Variants in CCDC3 observed in about 807,000 individuals in gnomAD.
CCDC3 encodes coiled-coil domain containing 3, also known as coiled-coil domain-containing protein 3.
In CCDC3, 24 loss-of-function variants were observed where a neutral mutation model predicts 21.4. The ratio of observed to expected loss-of-function variants is 1.12; its 90% confidence interval spans 0.81 to 1.58. The LOEUF (loss-of-function observed/expected upper bound fraction) is 1.58. Among genes scored for constraint, CCDC3 ranks in the 40% most tolerant of loss-of-function variants. The pLI, the probability that CCDC3 is intolerant of heterozygous loss-of-function variation, is 0.00. For missense variants in CCDC3, 425 were observed against 360.9 expected, an observed-to-expected ratio of 1.18 and a Z score of -1.44; for synonymous variants, 186 against 166.0, an observed-to-expected ratio of 1.12 and a Z score of -0.93.
At chr10:12,987,085 G>T (rs1443447746) in intron 2 of CCDC3, among the ~76,000 whole-genome samples, 4 of 152,048 alleles carry the variant, frequency 2.6e-5, no homozygotes, top group Admixed American at 2.6e-4. Flanking sequence ...CCATTCCCTG[G>T]TATGCAGCCC....
intron 2 of CCDC3, among the ~76,000 whole-genome samples, chr10:12,899,257 C>T (rs1351094948): frequency 2.0e-5 from 3 of 152,042 alleles, no homozygotes; most frequent in Non-Finnish European, 2.9e-5. Context: ...GATGCTTAAC[C>T]CCACTCATAA....
At chr10:12,972,838 A>AAATAC (rs1835362669) in intron 2 of CCDC3, among the ~76,000 whole-genome samples, 1 of 151,986 alleles carries the variant, frequency 6.6e-6, no homozygotes, top group Non-Finnish European at 1.5e-5. Context: ...AAATAAAATA[A>AAATAC]AATAAGGAAT....
intron 2 of CCDC3, among the ~76,000 whole-genome samples, chr10:12,951,353 C>CA (rs1007610543): frequency 6.6e-6 from 1 of 151,544 alleles, no homozygotes; most frequent in Non-Finnish European, 1.5e-5. Flanking sequence ...GAGACTGTCT[C>CA]AAAAAAAAGT....
chr10:12,978,612 G>T (rs1333285792), intron 2 of CCDC3, among the ~76,000 whole-genome samples: 2 of 152,010 alleles, frequency 1.3e-5, no homozygotes, highest in Non-Finnish European at 2.9e-5. Flanking sequence ...GGCCAACCTG[G>T]GGTCTGCAGG....
At chr10:12,949,239 C>T (rs1330641688) in intron 2 of CCDC3, among the ~76,000 whole-genome samples, 1 of 152,216 alleles carries the variant, frequency 6.6e-6, no homozygotes, top group Non-Finnish European at 1.5e-5. Context: ...ATAAAGACCA[C>T]ATATCCCAGC....
intron 2 of CCDC3, among the ~76,000 whole-genome samples, chr10:12,991,712 T>C (rs1835685481): frequency 6.6e-6 from 1 of 152,182 alleles, no homozygotes; most frequent in Non-Finnish European, 1.5e-5. Context: ...AAGCCAACCA[T>C]GGCCTATGAT....
intron 2 of CCDC3, among the ~76,000 whole-genome samples, chr10:12,986,497 G>C (rs546601380): frequency 6.6e-6 from 1 of 152,116 alleles, no homozygotes; most frequent in East Asian, 1.9e-4. Flanking sequence ...CCTGTAGGCC[G>C]GGCACAGTGG....
At chr10:12,966,311 G>A (rs1332948749) in intron 2 of CCDC3, among the ~76,000 whole-genome samples, 1 of 137,274 alleles carries the variant, frequency 7.3e-6, no homozygotes, top group Non-Finnish European at 1.6e-5. Context: ...CTGAGGGGCT[G>A]TGGGCTTTAA....
intron 5 of CCDC3, among the ~76,000 whole-genome samples, chr10:13,017,516 C>CAAA (rs60969932): frequency 0.026 from 2,879 of 111,314 alleles, 82 homozygotes; most frequent in South Asian, 0.037. Flanking sequence ...GACTCCATCT[C>CAAA]AAAAAAAAAA....
intron 4 of CCDC3, among the ~76,000 whole-genome samples, chr10:13,055,558 G>A (rs1035348336): frequency 6.6e-5 from 10 of 152,080 alleles, no homozygotes; most frequent in African/African-American, 2.4e-4. Context: ...TTGCTGGGCT[G>A]AAGCAATCCT....
intron 3 of CCDC3, among the ~76,000 whole-genome samples, chr10:13,082,736 G>A (rs534817689): frequency 2.2e-4 from 34 of 152,338 alleles, no homozygotes; most frequent in African/African-American, 7.2e-4. Context: ...CTATCCGGGC[G>A]TGACAGAGGG....
At chr10:12,994,465 G>A (rs1004468983) in intron 2 of CCDC3, among the ~76,000 whole-genome samples, 17 of 151,360 alleles carry the variant, frequency 1.1e-4, no homozygotes, top group African/African-American at 3.9e-4. Flanking sequence ...AAGTCCAGGA[G>A]CACATGGGAT....
At chr10:13,067,624 C>T (rs939209997) in intron 4 of CCDC3, among the ~76,000 whole-genome samples, 10 of 152,170 alleles carry the variant, frequency 6.6e-5, no homozygotes, top group African/African-American at 2.4e-4. Context: ...TTGTCTTAGC[C>T]TCCACCATTT....
chr10:13,050,516 A>G (rs1836592022), intron 4 of CCDC3, among the ~76,000 whole-genome samples: 1 of 141,506 alleles, frequency 7.1e-6, no homozygotes, highest in Admixed American at 7.6e-5. Context: ...GCTGGAATAC[A>G]GTGGCACGAT....
intron 2 of CCDC3, among the ~76,000 whole-genome samples, chr10:12,947,143 CTTTT>C (rs66542050): frequency 6.9e-6 from 1 of 145,566 alleles, no homozygotes; most frequent in Admixed American, 6.9e-5. Flanking sequence ...CTTTTGCTCA[CTTTT>C]TTTTTTTTTT....
chr10:12,945,137 G>C (rs1834895401), intron 2 of CCDC3, among the ~76,000 whole-genome samples: 1 of 152,174 alleles, frequency 6.6e-6, no homozygotes, highest in African/African-American at 2.4e-5. Flanking sequence ...CATGCTTCTA[G>C]AAATTATGAT....
chr10:13,070,731 T>C (rs77073733), intron 4 of CCDC3, among the ~76,000 whole-genome samples: 1,645 of 152,332 alleles, frequency 0.011, 13 homozygotes, highest in Non-Finnish European at 0.018. Context: ...CTAAAAGGCC[T>C]ATGTGGAAAT....
intron 3 of CCDC3, among the ~76,000 whole-genome samples, chr10:13,085,414 G>A (rs956313373): frequency 6.6e-6 from 1 of 152,148 alleles, no homozygotes; most frequent in African/African-American, 2.4e-5. Context: ...CCTGTTACAT[G>A]CCCATTGAAT....
chr10:13,009,995 C>T (rs913773274), intron 5 of CCDC3, among the ~76,000 whole-genome samples: 1 of 152,162 alleles, frequency 6.6e-6, no homozygotes, highest in African/African-American at 2.4e-5. Flanking sequence ...TGCCTGTAAT[C>T]CCAGCACTTT....
Sources: gnomAD v4.1 joint callset for allele counts (sites outside exome capture counted in the v4.1 genomes callset) on GRCh38, gnomAD v4.1.1 for gene constraint, MANE v1.5 for transcripts, NCBI Gene and HGNC (gene_info 2026-07-23, HGNC 2026-07-21) for gene names.